PARVB: variants seen among roughly 807,000 people sequenced by gnomAD.
The protein encoded by PARVB is parvin beta.
In PARVB, 46 loss-of-function variants were observed where a neutral mutation model predicts 47.0. That is an observed-to-expected ratio of 0.98 (90% confidence interval 0.77 to 1.25). The LOEUF (loss-of-function observed/expected upper bound fraction) is 1.25. Ranked by LOEUF, PARVB falls within the 50% of genes most tolerant of loss-of-function variation. PARVB has a pLI of 0.00. For synonymous variants in PARVB, 196 were observed against 196.3 expected (o/e 1.00, Z 0.01); for missense variants, 473 against 471.6 (o/e 1.00, Z -0.03).
intron 11 of PARVB, 31 bp downstream of exon 11, chr22:44,158,114 G>T (rs774141929): frequency 8.4e-6 from 12 of 1,425,856 alleles, no homozygotes; most frequent in South Asian, 1.1e-5. Context: ...CTTGGTAGGG[G>T]CTCAAGAAAT....
At chr22:44,012,692 G>A (rs577206293) in intron 2 of PARVB, among the ~76,000 whole-genome samples, 1 of 152,026 alleles carries the variant, frequency 6.6e-6, no homozygotes, top group African/African-American at 2.4e-5. Flanking sequence ...CTTCTAACTC[G>A]CCTAAAATTG....
chr22:44,136,914 A>T (rs1215018463), intron 7 of PARVB, among the ~76,000 whole-genome samples: 1 of 152,212 alleles, frequency 6.6e-6, no homozygotes, highest in Non-Finnish European at 1.5e-5. Context: ...CTTTCCTTTG[A>T]CAGACACTAC....
intron 1 of PARVB, chr22:44,081,636 A>T (rs2051902710): frequency 2.0e-6 from 2 of 984,918 alleles, no homozygotes; most frequent in African/African-American, 3.5e-5. Flanking sequence ...GCGTTTCTCT[A>T]AGAGCCTGGC....
chr22:44,066,778 T>TTTCTTCTCCTCCTCC (rs202143083), intron 1 of PARVB, among the ~76,000 whole-genome samples: 3 of 118,810 alleles, frequency 2.5e-5, no homozygotes, highest in Non-Finnish European at 5.5e-5. Context: ...CCCTTAATTA[T>TTTCTTCTCCTCCTCC]TTCTCCTCCT....
intron 1 of PARVB, among the ~76,000 whole-genome samples, chr22:44,070,488 G>A (rs538174858): frequency 1.3e-5 from 2 of 152,314 alleles, no homozygotes; most frequent in Admixed American, 6.5e-5. Context: ...TGCCTGGGAC[G>A]CAGATGAACA....
In PARVB at chr22:44,035,797, C is replaced by CTT. The variant is rs879538236; in HGVS notation, c.112+11359_112+11360dup. ...AATACGTGGGAACCCAAACAGATCA[C>CTT]TTTTTTTTTTTTTTACTATGATATG... On this transcript the variant is annotated intron_variant, in intron 1 of 12. Transcript: ENST00000338758. Among the ~76,000 whole-genome samples, 437 of 142,948 alleles carry CTT rather than the reference C, an allele frequency of 3.1e-3. 2 individuals are homozygous for CTT. The highest frequency in any genetic ancestry group is 0.011 in the African/African-American group (420 of 39,336). The allele number at this position is 142,948 out of a possible 152,430, so 93.8% of individuals were successfully genotyped here.
chr22:44,058,003 A>G (rs2051347498), intron 1 of PARVB, among the ~76,000 whole-genome samples: 1 of 152,180 alleles, frequency 6.6e-6, no homozygotes, highest in Non-Finnish European at 1.5e-5. Flanking sequence ...GGGAAGGGAC[A>G]TAACTTCCCT....
chr22:44,070,585 G>A (rs757407307), intron 1 of PARVB, among the ~76,000 whole-genome samples: 3 of 152,216 alleles, frequency 2.0e-5, no homozygotes, highest in Non-Finnish European at 2.9e-5. Context: ...TTGTAGATGT[G>A]TGGGGATATT....
intron 1 of PARVB, among the ~76,000 whole-genome samples, chr22:44,046,486 G>A (rs574909685): frequency 6.6e-6 from 1 of 152,362 alleles, no homozygotes; most frequent in South Asian, 2.1e-4. Context: ...CTGACTGCAG[G>A]AGTGGGAAAG....
At chr22:44,120,411 AG>A (rs1343989245) in intron 4 of PARVB, among the ~76,000 whole-genome samples, 1 of 152,052 alleles carries the variant, frequency 6.6e-6, no homozygotes, top group Non-Finnish European at 1.5e-5. Flanking sequence ...ACGTTTTGGA[AG>A]GGTCTGGGCC....
chr22:44,127,009 T>C (rs2053200041), intron 4 of PARVB, among the ~76,000 whole-genome samples: 1 of 152,216 alleles, frequency 6.6e-6, no homozygotes, highest in South Asian at 2.1e-4. Context: ...CACATCCTTT[T>C]GGTTCCCTCT....
At position 44,095,167 on chromosome 22, in the gene PARVB, G is replaced by A. The variant is rs1601593152; in HGVS notation, c.202+1150G>A. 3.3e-5 allele frequency among the ~76,000 whole-genome samples: 5 copies of A among 152,080 alleles called. No individual in the cohort carries two copies. The East Asian group carries it at 9.7e-4, about 29-fold the overall frequency. ...CTAGGAATTAGCTTGCCCTGGAGGTGCAATCTCTCCAGAGTCAGCAAGGCC... is the reference window on the plus strand; with the variant it reads ...CTAGGAATTAGCTTGCCCTGGAGGTACAATCTCTCCAGAGTCAGCAAGGCC... On this transcript the variant is annotated intron_variant, in intron 2 of 12. Transcript: ENST00000338758.
intron 1 of PARVB, among the ~76,000 whole-genome samples, chr22:44,075,785 G>A (rs2051758233): frequency 6.6e-6 from 1 of 152,222 alleles, no homozygotes; most frequent in Non-Finnish European, 1.5e-5. Flanking sequence ...TTTCTTCTTG[G>A]TTCCAAGTGG....
At chr22:44,076,277 T>C (rs754357279) in intron 1 of PARVB, among the ~76,000 whole-genome samples, 15 of 152,230 alleles carry the variant, frequency 9.9e-5, no homozygotes, top group Non-Finnish European at 1.9e-4. Flanking sequence ...CCTGTCCTTG[T>C]AGAGACTGTC....
intron 3 of PARVB, chr22:44,108,633 ACAGT>A (rs1299347541): frequency 1.3e-5 from 2 of 152,148 alleles, no homozygotes; most frequent in African/African-American, 4.8e-5. Context: ...ATGGAAAATT[ACAGT>A]CAAAGGGGGT....
chr22:44,055,678 C>CTATATATATA (rs3083346), intron 1 of PARVB, among the ~76,000 whole-genome samples: 111 of 142,752 alleles, frequency 7.8e-4, no homozygotes, highest in African/African-American at 2.7e-3. Flanking sequence ...CTCTCTCTCT[C>CTATATATATA]TATATATATA....
At chr22:44,013,287 C>T (rs1436030412) in intron 2 of PARVB, among the ~76,000 whole-genome samples, 2 of 152,226 alleles carry the variant, frequency 1.3e-5, no homozygotes, top group East Asian at 3.8e-4. Context: ...TCCAAATTAT[C>T]CCATCCAGGG....
In PARVB at chr22:44,089,772, G is replaced by A. The variant is rs909577558; in HGVS notation, c.113-4156G>A. On this transcript the variant is annotated intron_variant, in intron 1 of 12. Coordinates refer to ENST00000338758, the MANE Select transcript of PARVB (RefSeq NM_013327.5). This position sits in a 1 kb window ranked among gnomAD's most constrained non-coding sequence, Gnocchi z 4.0. Reference sequence around the variant, plus strand: ...GAACCCAGGCTGCAAAATATAGCAAGGCCCAGAAGGGCATCCCTCAAACCT... The same window carrying A: ...GAACCCAGGCTGCAAAATATAGCAAAGCCCAGAAGGGCATCCCTCAAACCT... Among the ~76,000 whole-genome samples, 2 of 152,218 alleles carry A rather than the reference G, an allele frequency of 1.3e-5. No homozygotes were observed. Among genetic ancestry groups the A allele is most frequent in the African/African-American group, 2.4e-5 (1 of 41,458 alleles).
At chr22:44,019,515 C>T (rs541224593), upstream of PARVB, among the ~76,000 whole-genome samples, 2 of 152,320 alleles carry the variant, frequency 1.3e-5, no homozygotes, top group Admixed American at 6.5e-5. Context: ...CCACCGTGCC[C>T]GGCTGAAGCT....
Sources: allele counts gnomAD v4.1 joint callset (sites outside exome capture counted in the v4.1 genomes callset), GRCh38; gene constraint gnomAD v4.1.1; non-coding constraint Gnocchi (gnomAD v3.1); transcripts MANE v1.5; gene names NCBI Gene and HGNC (gene_info 2026-07-23, HGNC 2026-07-21).